Variants in TRPC4 observed in about 807,000 individuals in gnomAD.
The protein encoded by TRPC4 is transient receptor potential cation channel subfamily C member 4.
In TRPC4, 49 loss-of-function variants were observed where a neutral mutation model predicts 99.4. The ratio of observed to expected loss-of-function variants is 0.49; its 90% CI spans 0.39 to 0.63. The LOEUF is 0.63. Among genes scored for constraint, TRPC4 ranks in the 20% least tolerant of loss-of-function variants. The pLI is 0.00. For missense variants in TRPC4, 898 were observed against 1,152.9 expected (o/e 0.78, Z 3.20); for synonymous variants, 454 against 425.9 (o/e 1.07, Z -0.81).
At position 37,749,830 on chromosome 13, in the gene TRPC4, G is replaced by T. The variant is rs73168471; in HGVS notation, c.379-3375C>A. Reference sequence around the variant, plus strand: ...TTGTGATTCATTGCTATCACTATTCGTTTTATACTTGTTATTAAAGTATAA... The same window carrying T: ...TTGTGATTCATTGCTATCACTATTCTTTTTATACTTGTTATTAAAGTATAA... On this transcript the variant is annotated intron_variant, in intron 2 of 10. Transcript: ENST00000379705. 2.0e-5 allele frequency among the ~76,000 whole-genome samples: 3 copies of T among 151,588 alleles called. No individual in the cohort carries two copies. In the South Asian group the frequency reaches 6.3e-4, roughly 32 times the overall value.
At chr13:37,643,356 G>T (rs1198697804) in intron 8 of TRPC4, among the ~76,000 whole-genome samples, 1 of 152,216 alleles carries the variant, frequency 6.6e-6, no homozygotes, top group East Asian at 1.9e-4. Flanking sequence ...GGATTGCCAA[G>T]ATCATGAAAG....
intron 1 of TRPC4, among the ~76,000 whole-genome samples, chr13:37,847,301 A>G (rs950635107): frequency 6.6e-6 from 1 of 152,082 alleles, no homozygotes; most frequent in Non-Finnish European, 1.5e-5. Flanking sequence ...CACAAAACAA[A>G]TCTTAACAAA....
intron 1 of TRPC4, among the ~76,000 whole-genome samples, chr13:37,807,543 A>G (rs1593788355): frequency 6.6e-6 from 1 of 152,084 alleles, no homozygotes; most frequent in South Asian, 2.1e-4. Context: ...GAAATAAATC[A>G]GCAGTATGAA....
At chr13:37,740,501 AG>A (rs1214368633) in intron 3 of TRPC4, among the ~76,000 whole-genome samples, 5 of 152,206 alleles carry the variant, frequency 3.3e-5, no homozygotes, top group Non-Finnish European at 5.9e-5. Context: ...ACAGACAAGT[AG>A]GGTTCTAGGC....
chr13:37,675,707 T>C (rs1953022839), intron 4 of TRPC4, among the ~76,000 whole-genome samples: 1 of 152,130 alleles, frequency 6.6e-6, no homozygotes, highest in Non-Finnish European at 1.5e-5. Context: ...AACTTTCCTG[T>C]ACATAAGCTG....
chr13:37,664,396 A>G (rs1349136244), intron 5 of TRPC4, among the ~76,000 whole-genome samples: 1 of 151,950 alleles, frequency 6.6e-6, no homozygotes, highest in Non-Finnish European at 1.5e-5. Context: ...CAACATGGAG[A>G]AACCCCGTCT....
At chr13:37,706,575 C>T (rs1954284094) in intron 3 of TRPC4, among the ~76,000 whole-genome samples, 1 of 151,860 alleles carries the variant, frequency 6.6e-6, no homozygotes, top group Non-Finnish European at 1.5e-5. Flanking sequence ...TGTGCTGCAC[C>T]CATTAACTCA....
chr13:37,823,122 G>GT (rs1162560893), intron 1 of TRPC4, among the ~76,000 whole-genome samples: 1 of 151,158 alleles, frequency 6.6e-6, no homozygotes, highest in South Asian at 2.1e-4. Flanking sequence ...GGGGTTGTTT[G>GT]TTTTTTTCTT....
intron 2 of TRPC4, among the ~76,000 whole-genome samples, chr13:37,779,041 A>G (rs1308848665): frequency 1.3e-5 from 2 of 152,038 alleles, no homozygotes; most frequent in African/African-American, 4.8e-5. Context: ...AGGTCCTAGT[A>G]GTCTGTGTTG....
chr13:37,759,097 C>T (rs1956163107), intron 2 of TRPC4, among the ~76,000 whole-genome samples: 1 of 151,548 alleles, frequency 6.6e-6, no homozygotes, highest in African/African-American at 2.4e-5. Context: ...ATATGAATCA[C>T]TTGAACAGAA....
intron 1 of TRPC4, among the ~76,000 whole-genome samples, chr13:37,844,732 A>G (rs1958842560): frequency 6.6e-6 from 1 of 152,036 alleles, no homozygotes. Context: ...ACTGCCAAAA[A>G]CCAGCAACTG....
intron 3 of TRPC4, among the ~76,000 whole-genome samples, chr13:37,722,095 G>A (rs181351774): frequency 6.6e-6 from 1 of 152,338 alleles, no homozygotes; most frequent in African/African-American, 2.4e-5. Flanking sequence ...AGAATAAAAT[G>A]TCTATTTCAC....
At chr13:37,695,814 C>G (rs1362580941) in intron 3 of TRPC4, among the ~76,000 whole-genome samples, 1 of 151,804 alleles carries the variant, frequency 6.6e-6, no homozygotes, top group East Asian at 1.9e-4. Context: ...CTCATTTTTA[C>G]AAATAGAATA....
At chr13:37,657,267 C>A (rs767075091) in intron 6 of TRPC4, among the ~76,000 whole-genome samples, 3 of 152,114 alleles carry the variant, frequency 2.0e-5, no homozygotes, top group South Asian at 4.1e-4. Context: ...GTGCATTCTA[C>A]GAGGAGGTGA....
At chr13:37,654,225 T>C (rs1047015112) in intron 7 of TRPC4, among the ~76,000 whole-genome samples, 1 of 152,068 alleles carries the variant, frequency 6.6e-6, no homozygotes, top group Non-Finnish European at 1.5e-5. Flanking sequence ...GATTTAACCA[T>C]AGATTCAAAG....
chr13:37,804,278 A>G (rs1957476299), intron 1 of TRPC4, among the ~76,000 whole-genome samples: 1 of 152,098 alleles, frequency 6.6e-6, no homozygotes, highest in Admixed American at 6.6e-5. Flanking sequence ...AGGAGGACAT[A>G]ACATTATTGT....
chr13:37,757,694 C>G (rs1166922007), intron 2 of TRPC4, among the ~76,000 whole-genome samples: 1 of 151,604 alleles, frequency 6.6e-6, no homozygotes, highest in Non-Finnish European at 1.5e-5. Context: ...TTCTGGAGAT[C>G]TGGGGAAAGA....
chr13:37,813,253 G>A (rs904151966), intron 1 of TRPC4, among the ~76,000 whole-genome samples: 13 of 151,716 alleles, frequency 8.6e-5, no homozygotes, highest in African/African-American at 3.1e-4. Context: ...GGATGTAAAA[G>A]CAGTGCTTAC....
chr13:37,773,593 A>T (rs1461888742), intron 2 of TRPC4, among the ~76,000 whole-genome samples: 1 of 151,802 alleles, frequency 6.6e-6, no homozygotes, highest in Non-Finnish European at 1.5e-5. Context: ...GAAAAATGGC[A>T]GTTGAAGTAC....
Sources: gnomAD v4.1 joint callset for allele counts (sites outside exome capture counted in the v4.1 genomes callset) on GRCh38, gnomAD v4.1.1 for gene constraint, MANE v1.5 for transcripts, NCBI Gene and HGNC (gene_info 2026-07-23, HGNC 2026-07-21) for gene names.